RSKR: variants seen among roughly 807,000 people sequenced by gnomAD.
RSKR encodes ribosomal protein S6 kinase-related protein.
In RSKR, 44 loss-of-function variants were observed where a neutral mutation model predicts 56.8. That is an observed-to-expected ratio of 0.77 (90% CI 0.61 to 1.00). RSKR has a LOEUF of 1.00. Among genes scored for constraint, RSKR ranks in the 50% least tolerant of loss-of-function variants. The pLI, the probability that RSKR is intolerant of heterozygous loss-of-function variation, is 0.00. For missense variants in RSKR, 510 were observed against 506.9 expected, an observed-to-expected ratio of 1.01 and a Z score of -0.06; for synonymous variants, 181 against 188.0, an observed-to-expected ratio of 0.96 and a Z score of 0.30.
intron 4 of RSKR, 169 bp from the exon 5 acceptor site, chr17:28,612,856 A>G (rs753997077): frequency 1.7e-5 from 13 of 761,340 alleles, no homozygotes; most frequent in Non-Finnish European, 2.9e-5. Flanking sequence ...TAGAACCAGC[A>G]AATACTAAGG....
chr17:28,612,649 G>A lies in RSKR; in HGVS notation c.516C>T (p.Asp172=). 1.2e-6 allele frequency: 2 copies of A among 1,614,170 alleles called. No homozygotes were observed. The highest frequency in any genetic ancestry group is 1.7e-6 in the Non-Finnish European group (2 of 1,180,016). The change falls in exon 5 of 12, where the codon GAC becomes GAT. Residue 172 remains aspartate, a synonymous_variant. Transcript: ENST00000301037. The part of the protein sequence containing the change: ...INHPFVHSLG[D]SWQGKRHLFI... The stretch of plus-strand genomic sequence containing the variant: ...AAAGGTGCCGTTTTCCCTGCCAGCT[G>A]TCCCCCAAGCTGTGTACAAAGGGAT...
intron 11 of RSKR, 74 bp downstream of exon 11, chr17:28,611,068 GA>G: frequency 7.4e-7 from 1 of 1,351,628 alleles, no homozygotes; most frequent in Non-Finnish European, 1.0e-6. Flanking sequence ...GAGGAATGGG[GA>G]AAAATCACTT....
In RSKR at chr17:28,613,302, T is replaced by C. The variant is rs780041526; in HGVS notation, c.368A>G (p.Lys123Arg). 2.7e-5 allele frequency: 43 copies of C among 1,613,904 alleles called. No homozygotes were observed. Among genetic ancestry groups the C allele is most frequent in the Admixed American group, 1.7e-4 (10 of 60,004 alleles). Residue 123 changes from lysine (K) to arginine (R), a missense_variant, in exon 3 of 12, where the codon AAG (lysine) becomes AGG (arginine). Transcript: ENST00000301037. ...AGCTTTCTGGGTGCAATCTAGCACC[T>C]TGAGGACAGTTCCAAAGGAGCCTTT... is the stretch of plus-strand genomic sequence containing the variant. ...VAKGSFGTVL[K>R]VLDCTQKAVF...
intron 4 of RSKR, 167 bp from the exon 5 acceptor site, chr17:28,612,854 G>A: frequency 1.3e-6 from 1 of 764,716 alleles, no homozygotes; most frequent in South Asian, 1.7e-5. Context: ...CCTAGAACCA[G>A]CAAATACTAA....
At position 28,611,177 on chromosome 17, in the gene RSKR, G is replaced by A. The variant is rs1307270750; in HGVS notation, c.977C>T (p.Ser326Phe). 6.5e-7 allele frequency: 1 copy of A among 1,536,312 alleles called. No homozygotes were observed. The highest frequency in any genetic ancestry group is 8.7e-7 in the Non-Finnish European group (1 of 1,146,882). The part of the protein sequence containing the change: ...VTHSDSEIPA[S>F]LNQGLSLLLH... ...CAGGAGTGAGAGGCCCTGGTTAAGA[G>A]AAGCTGGGATCTCAGAGTCACTGTG... is the stretch of plus-strand genomic sequence containing the variant. The change falls in exon 11 of 12, where the codon TCT becomes TTT. Residue 326 changes from serine to phenylalanine, a missense_variant. By Grantham distance (155) the Ser-to-Phe change is radical. Transcript: ENST00000301037.
At chr17:28,612,953 T>C (rs2070841261) in intron 4 of RSKR, 125 bp downstream of exon 4, 2 of 1,035,600 alleles carry the variant, frequency 1.9e-6, no homozygotes, top group Admixed American at 3.6e-5. Flanking sequence ...GGATCTACTT[T>C]AGTGTTAAAC....
chr17:28,612,119 T>C (rs1362913251), intron 6 of RSKR, 35 bp from the exon 7 acceptor site: 1 of 1,612,376 alleles, frequency 6.2e-7, no homozygotes, highest in Middle Eastern at 1.7e-4. Flanking sequence ...GCTGCAGCTT[T>C]TCTGTCCTTT....
rs989431203 is a variant in RSKR at position 28,613,759 on chromosome 17, C to T, written c.76-71G>A. ...AGCAGGTTCCACCCATCTTACTAGG[C>T]ACTCCCTCCCCTTAAGTCTCAACCC... On this transcript the variant is annotated intron_variant, in intron 1 of 11. Coordinates refer to ENST00000301037, the MANE Select transcript of RSKR (RefSeq NM_001174103.2). 37 of 1,587,476 alleles carry T rather than the reference C, an allele frequency of 2.3e-5. No individual in the cohort carries two copies. In the African/African-American group the frequency reaches 3.8e-4, roughly 16 times the overall value.
rs2070799340 is a variant in RSKR, at chr17:28,610,633, G to GA, written c.1077dup (p.Arg360SerfsTer35). 6.5e-7 allele frequency: 1 copy of GA among 1,535,940 alleles called. No homozygotes were observed. The highest frequency in any genetic ancestry group is 1.4e-5 in the African/African-American group (1 of 73,006). On this transcript the variant is annotated frameshift_variant, in exon 12 of 12. Transcript: ENST00000301037. LOFTEE classifies it high-confidence loss of function. Reference sequence around the variant, plus strand: ...AGCTCTGGGTCGAAGGCCACACCCCGAAAGAAAGGGTGGACCTGGAAGTGA... The same window carrying GA: ...AGCTCTGGGTCGAAGGCCACACCCCGAAAAGAAAGGGTGGACCTGGAAGTGA...
At chr17:28,611,282 G>A (rs1355093657) in intron 10 of RSKR, 29 bp from the exon 11 acceptor site, 4 of 1,532,690 alleles carry the variant, frequency 2.6e-6, no homozygotes, top group Admixed American at 2.0e-5. Context: ...AGTGGAGGTA[G>A]GGGTAGGGGT....
At chr17:28,612,968 C>G (rs1262340792) in intron 4 of RSKR, 110 bp downstream of exon 4, 1 of 1,192,400 alleles carries the variant, frequency 8.4e-7, no homozygotes, top group Non-Finnish European at 1.2e-6. Context: ...TTAAACTAGG[C>G]TGAAGCAGAT....
At chr17:28,611,972 A>G in intron 7 of RSKR, 72 bp downstream of exon 7, 1 of 1,614,052 alleles carries the variant, frequency 6.2e-7, no homozygotes, top group African/African-American at 1.3e-5. Context: ...CAGCTCCCTA[A>G]CTTCTTGGAC....
rs1345897068 is a variant in RSKR at position 28,611,501 on chromosome 17, T to C, written c.812-20A>G. The C allele has an allele frequency of 1.3e-6, 2 of 1,585,416 alleles. No homozygotes were observed. Among genetic ancestry groups the C allele is most frequent in the South Asian group, 2.3e-5 (2 of 86,996 alleles). ...CTGGGGCTACAGATTTCAAAGATAC[T>C]CATCACAGACATCCTTTAGCTATCC... On this transcript the variant is annotated intron_variant, in intron 9 of 11. Coordinates refer to ENST00000301037, the MANE Select transcript of RSKR (RefSeq NM_001174103.2).
chr17:28,612,191 T>A, intron 6 of RSKR, 71 bp downstream of exon 6: 1 of 1,586,766 alleles, frequency 6.3e-7, no homozygotes, highest in South Asian at 1.1e-5. Flanking sequence ...ATTATTAATA[T>A]TAATTTTTTA....
In RSKR at chr17:28,609,176, C is replaced by T. The variant is rs2070780892; in HGVS notation, c.*1302G>A. The T allele has an allele frequency of 6.6e-6, 1 of 151,114 alleles. No individual in the cohort carries two copies. Among genetic ancestry groups the T allele is most frequent in the Non-Finnish European group, 1.5e-5 (1 of 67,912 alleles). The allele number at this position is 151,114 out of a possible 1,614,324, so 9.4% of individuals were successfully genotyped here. ...GCTTCAGCCTTCTGAGTAGCTGGGA[C>T]TACAGGTGTGCAACACCACACCCAG... On this transcript the variant is annotated 3_prime_UTR_variant, in exon 12 of 12. Coordinates refer to ENST00000301037, the MANE Select transcript of RSKR (RefSeq NM_001174103.2).
In RSKR at chr17:28,608,095, G is replaced by C. The variant is rs559382532; in HGVS notation, c.*2383C>G. On this transcript the variant is annotated 3_prime_UTR_variant, in exon 12 of 12. Coordinates refer to ENST00000301037, the MANE Select transcript of RSKR (RefSeq NM_001174103.2). ...AATAAGGAAAATAAAAGTAGAAAAG[G>C]AAGACAGAACCAAGAACATGACTAG... 1 of 152,142 alleles carries C rather than the reference G, an allele frequency of 6.6e-6. No individual in the cohort carries two copies. Among genetic ancestry groups the C allele is most frequent in the Non-Finnish European group, 1.5e-5 (1 of 67,982 alleles). The allele number at this position is 152,142 out of a possible 1,614,324, so 9.4% of individuals were successfully genotyped here. A position where few individuals can be genotyped will look rare whatever the true frequency, so the allele number is the denominator to read the frequency against.
rs747900804 is a variant in RSKR, at chr17:28,614,133, T to C, written c.29A>G (p.Gln10Arg). 4 of 1,613,532 alleles carry C rather than the reference T, an allele frequency of 2.5e-6. No homozygotes were observed. The highest frequency in any genetic ancestry group is 2.7e-5 in the African/African-American group (2 of 74,934). Residue 10 changes from glutamine to arginine, a missense_variant, in exon 1 of 12, where the codon CAG (glutamine) becomes CGG (arginine). Coordinates refer to ENST00000301037, the MANE Select transcript of RSKR (RefSeq NM_001174103.2). ...GGTGTGTTCCCCCTGCTGGGTGTGCTGCCCCTGCCGACAGCTTACTGCTCC... is the reference window on the plus strand; with the variant it reads ...GGTGTGTTCCCCCTGCTGGGTGTGCCGCCCCTGCCGACAGCTTACTGCTCC... MGAVSCRQG[Q>R]HTQQGEHTRV... is the part of the protein sequence containing the mutation.
chr17:28,610,795 A>G, intron 11 of RSKR, 96 bp from the exon 12 acceptor site: 1 of 1,226,810 alleles, frequency 8.2e-7, no homozygotes, highest in Non-Finnish European at 1.1e-6. Flanking sequence ...GGAGCTGTGG[A>G]GGGTAGGAAT....
In RSKR at chr17:28,611,220, T is replaced by C. The variant is rs1481232450; in HGVS notation, c.934A>G (p.Met312Val). The C allele has an allele frequency of 1.3e-6, 2 of 1,536,170 alleles. No individual in the cohort carries two copies. The highest frequency in any genetic ancestry group is 1.7e-6 in the Non-Finnish European group (2 of 1,146,884). ...TCACTGTGGGTCACACTTGCCAACA[T>C]GGCCACATGATCTCTCTCTGCAGCC... ...PVAAERDHVA[M>V]LASVTHSDSE... is the part of the protein sequence containing the mutation. The change falls in exon 11 of 12, where the codon ATG (methionine) becomes GTG (valine). Residue 312 changes from methionine to valine, a missense_variant. By Grantham distance (21) the Met-to-Val change is conservative (BLOSUM62 1). Transcript: ENST00000301037.
Sources: gnomAD v4.1 joint callset for allele counts on GRCh38, gnomAD v4.1.1 for gene constraint, MANE v1.5 for transcripts, NCBI Gene and HGNC (gene_info 2026-07-23, HGNC 2026-07-21) for gene names.